Variants in RNF111 observed in about 807,000 individuals in gnomAD.
RNF111 encodes ring finger protein 111, also known as E3 ubiquitin-protein ligase Arkadia.
Under a neutral mutation model 95.1 loss-of-function variants are expected in RNF111, and 17 were observed. That is an observed-to-expected ratio of 0.18 (90% confidence interval 0.12 to 0.27). The LOEUF is 0.27. Among genes scored for constraint, RNF111 ranks in the 10% least tolerant of loss-of-function variants. The pLI, the probability that RNF111 is intolerant of heterozygous loss-of-function variation, is 1.00. For synonymous variants in RNF111, 440 were observed against 414.8 expected (o/e 1.06, Z -0.74); for missense variants, 1,189 against 1,210.4 (o/e 0.98, Z 0.26).
chr15:59,084,434 G>T (rs1177888407), intron 9 of RNF111, 180 bp downstream of exon 9: 2 of 464,216 alleles, frequency 4.3e-6, no homozygotes, highest in Admixed American at 4.3e-5. Flanking sequence ...AGGAGCTGGG[G>T]CAGGGAACCA....
intron 5 of RNF111, among the ~76,000 whole-genome samples, chr15:59,062,988 C>T (rs1342294081): frequency 6.6e-6 from 1 of 152,148 alleles, no homozygotes; most frequent in Non-Finnish European, 1.5e-5. Context: ...CAGGCATTGC[C>T]AGATACTGGG....
intron 2 of RNF111, among the ~76,000 whole-genome samples, chr15:59,043,553 G>T (rs1057082711): frequency 3.3e-5 from 5 of 152,172 alleles, no homozygotes; most frequent in Admixed American, 6.5e-5. Flanking sequence ...ACATCTATAA[G>T]GCTAGTGAGC....
At chr15:59,065,327 A>G (rs1487590840) in intron 5 of RNF111, among the ~76,000 whole-genome samples, 1 of 152,216 alleles carries the variant, frequency 6.6e-6, no homozygotes, top group East Asian at 1.9e-4. Flanking sequence ...ATGAATTTGA[A>G]ACACTGGGAC....
In RNF111 at chr15:59,019,869, A is replaced by G. The variant is rs571803957; in HGVS notation, c.-19-10935A>G. Among the ~76,000 whole-genome samples the G allele has an allele frequency of 5.9e-5, 9 of 152,088 alleles. No individual in the cohort carries two copies. The South Asian group carries it at 1.2e-3, about 21-fold the overall frequency. Reference sequence around the variant, plus strand: ...AGCTGCTCGGGAGGCTGAGGCAGCAAAATTGCTTGAACCTGGGAGATGGAG... The same window carrying G: ...AGCTGCTCGGGAGGCTGAGGCAGCAGAATTGCTTGAACCTGGGAGATGGAG... On this transcript the variant is annotated intron_variant, in intron 1 of 13. Coordinates refer to ENST00000348370, the MANE Select transcript of RNF111 (RefSeq NM_017610.8).
chr15:59,006,882 G>A (rs549862787), intron 1 of RNF111, among the ~76,000 whole-genome samples: 1 of 152,276 alleles, frequency 6.6e-6, no homozygotes, highest in Non-Finnish European at 1.5e-5. Context: ...CGCCTCCCGG[G>A]TTCAAGCAGT....
chr15:59,066,561 A>G (rs1187834269), intron 5 of RNF111, among the ~76,000 whole-genome samples: 1 of 152,132 alleles, frequency 6.6e-6, no homozygotes, highest in Non-Finnish European at 1.5e-5. Flanking sequence ...GTGAGCCAAG[A>G]TGGCGCCACT....
At chr15:59,075,919 T>C (rs749399993) in intron 6 of RNF111, 35 bp from the exon 7 acceptor site, 1 of 1,603,438 alleles carries the variant, frequency 6.2e-7, no homozygotes, top group South Asian at 1.1e-5. Flanking sequence ...TTGACCAAAC[T>C]TTAGAAAGAT....
chr15:59,058,800 C>T, intron 5 of RNF111: 1 of 405,922 alleles, frequency 2.5e-6, no homozygotes, highest in Non-Finnish European at 4.5e-6. Context: ...TGGCTGACAC[C>T]AAAAGCATGA....
intron 1 of RNF111, among the ~76,000 whole-genome samples, chr15:59,023,223 G>A (rs1161095684): frequency 1.3e-5 from 2 of 152,170 alleles, no homozygotes; most frequent in African/African-American, 4.8e-5. Context: ...ACTCCCGCCT[G>A]GGTGACAGAG....
At chr15:59,014,392 A>G (rs1441983735) in intron 1 of RNF111, among the ~76,000 whole-genome samples, 1 of 152,216 alleles carries the variant, frequency 6.6e-6, no homozygotes, top group Non-Finnish European at 1.5e-5. Flanking sequence ...CTCAGTTCCT[A>G]TGCAGAATGC....
At chr15:59,053,524 C>T (rs566325369) in intron 3 of RNF111, among the ~76,000 whole-genome samples, 2 of 152,306 alleles carry the variant, frequency 1.3e-5, no homozygotes, top group South Asian at 4.1e-4. Context: ...TGCTTTTCCA[C>T]TTGCCATTTT....
In RNF111 at chr15:59,052,344, C is replaced by T. The variant is rs888732237; in HGVS notation, c.920C>T (p.Ser307Phe). Residue 307 changes from serine to phenylalanine, a missense_variant, in exon 3 of 14, where the codon TCC becomes TTC. Ser to Phe is a radical substitution (Grantham distance 155). Around this residue, in one of 2 missense-constraint regions of RNF111, gnomAD observed 1,024 missense variants for 925.9 expected, o/e 1.11. Coordinates refer to ENST00000348370, the MANE Select transcript of RNF111 (RefSeq NM_017610.8). ...GATGTTGTGGTGATAGAAGCTTCCT[C>T]CACTCCCCAGGTTACTGCCAATGAA... Reference protein sequence around the residue: ...DEDVVVIEASSTPQVTANEEI... With the variant: ...DEDVVVIEASFTPQVTANEEI... The T allele has an allele frequency of 2.5e-6, 4 of 1,603,116 alleles. No homozygotes were observed. Among genetic ancestry groups the T allele is most frequent in the Non-Finnish European group, 3.4e-6 (4 of 1,175,622 alleles).
At chr15:59,067,276 C>G (rs1421422413) in intron 6 of RNF111, among the ~76,000 whole-genome samples, 193 bp downstream of exon 6, 1 of 150,038 alleles carries the variant, frequency 6.7e-6, no homozygotes, top group Non-Finnish European at 1.5e-5. Flanking sequence ...ATTCTTCCTT[C>G]CTTTCCTCTC....
At position 59,013,908 on chromosome 15, in the gene RNF111, C is replaced by A. The variant is rs867438923; in HGVS notation, c.-19-16896C>A. Among the ~76,000 whole-genome samples, 6 of 152,112 alleles carry A rather than the reference C, an allele frequency of 3.9e-5. No individual in the cohort carries two copies. In the Middle Eastern group the frequency reaches 0.01, roughly 259 times the overall value. On this transcript the variant is annotated intron_variant, in intron 1 of 13. Coordinates refer to ENST00000348370, the MANE Select transcript of RNF111 (RefSeq NM_017610.8). ...GGTTCAAGTAATTCTTATGCCTCAG[C>A]GTCCCGAGTAGCTGGGGTTACAGGC...
chr15:59,050,697 A>G (rs1297138389), intron 2 of RNF111, among the ~76,000 whole-genome samples: 4 of 152,224 alleles, frequency 2.6e-5, no homozygotes, highest in Admixed American at 6.5e-5. Flanking sequence ...AACCATCATT[A>G]CAATCAGTGC....
intron 1 of RNF111, among the ~76,000 whole-genome samples, chr15:59,025,528 A>G (rs1279182388): frequency 6.6e-6 from 1 of 152,234 alleles, no homozygotes; most frequent in East Asian, 1.9e-4. Flanking sequence ...TTGATTTAAT[A>G]TACTTAAGCT....
chr15:59,074,159 G>C (rs545144578), intron 6 of RNF111, among the ~76,000 whole-genome samples: 1 of 152,264 alleles, frequency 6.6e-6, no homozygotes, highest in South Asian at 2.1e-4. Context: ...TTTGTTAATA[G>C]AGCACAGGCA....
At chr15:59,017,385 T>A (rs1384072152) in intron 1 of RNF111, among the ~76,000 whole-genome samples, 1 of 152,262 alleles carries the variant, frequency 6.6e-6, no homozygotes, top group Non-Finnish European at 1.5e-5. Flanking sequence ...ATGTAAAATG[T>A]GCTGCTGTAA....
chr15:59,083,346 G>A (rs1454828310), intron 8 of RNF111, among the ~76,000 whole-genome samples: 1 of 151,976 alleles, frequency 6.6e-6, no homozygotes, highest in African/African-American at 2.4e-5. Flanking sequence ...AAGAGATTGA[G>A]ACCATCCTGG....
Sources: allele counts gnomAD v4.1 joint callset (sites outside exome capture counted in the v4.1 genomes callset), GRCh38; gene constraint gnomAD v4.1.1; regional missense constraint gnomAD v4.1.1; transcripts MANE v1.5; gene names NCBI Gene and HGNC (gene_info 2026-07-23, HGNC 2026-07-21).